RHBDL3: variants seen among roughly 807,000 people sequenced by gnomAD.
The protein encoded by RHBDL3 is rhomboid-related protein 3.
RHBDL3 carries 28 observed loss-of-function variants against 48.2 expected under a neutral mutation model. That is an observed-to-expected ratio of 0.58 (90% CI 0.43 to 0.80). The LOEUF (loss-of-function observed/expected upper bound fraction) is 0.80, where lower values mean the gene tolerates loss of function less well. RHBDL3 is among the 30% of genes least tolerant of loss of function. RHBDL3 has a pLI of 0.00. For synonymous variants in RHBDL3, 208 were observed against 232.3 expected (o/e 0.90, Z 0.95); for missense variants, 464 against 542.7 (o/e 0.85, Z 1.44).
At chr17:32,273,569 C>T (rs918426419) in intron 2 of RHBDL3, among the ~76,000 whole-genome samples, 10 of 152,176 alleles carry the variant, frequency 6.6e-5, no homozygotes, top group East Asian at 3.8e-4. Flanking sequence ...TTTTCTCATC[C>T]GTAAAGTGCC....
intron 7 of RHBDL3, among the ~76,000 whole-genome samples, chr17:32,314,913 C>T (rs1283234447): frequency 5.3e-5 from 8 of 152,226 alleles, no homozygotes; most frequent in East Asian, 3.9e-4. Context: ...TGGAACATGT[C>T]GGCAAGCGAA....
rs563403864 is a variant in RHBDL3 at position 32,288,982 on chromosome 17, C to G, written c.485C>G (p.Pro162Arg). 12 of 1,614,072 alleles carry G rather than the reference C, an allele frequency of 7.4e-6. No homozygotes were observed. The highest frequency in any genetic ancestry group is 1.1e-5 in the South Asian group (1 of 91,084). Residue 162 changes from proline to arginine, a missense_variant, in exon 4 of 9, where the codon CCA becomes CGA. Transcript: ENST00000269051. ...WYYDSYTCCP[P>R]PWFMITVTLL... ...TATGACAGCTACACCTGCTGCCCCC[C>G]ACCCTGGTTCATGATCACAGTCACG...
At chr17:32,315,877 G>A (rs2040960547) in intron 7 of RHBDL3, among the ~76,000 whole-genome samples, 1 of 151,710 alleles carries the variant, frequency 6.6e-6, no homozygotes, top group Non-Finnish European at 1.5e-5. Flanking sequence ...TCATCCTGGT[G>A]GTTCTGTCTT....
At chr17:32,281,014 G>C (rs2040029480) in intron 2 of RHBDL3, 1 of 152,598 alleles carries the variant, frequency 6.6e-6, no homozygotes, top group African/African-American at 2.4e-5. Context: ...CCCTCCCCCT[G>C]CCCCAGCCGT....
At chr17:32,266,359 C>A in intron 1 of RHBDL3, 59 bp downstream of exon 1, 2 of 880,782 alleles carry the variant, frequency 2.3e-6, no homozygotes, top group South Asian at 1.9e-5. Flanking sequence ...GAAAAGCCGC[C>A]CCTGTCTCGC....
At chr17:32,287,805 A>G (rs80171882) in intron 3 of RHBDL3, among the ~76,000 whole-genome samples, 3,406 of 152,294 alleles carry the variant, frequency 0.022, 56 homozygotes, top group South Asian at 0.059. Context: ...TGGGAGAGCC[A>G]TATCTCTAGG....
rs765789149 is a variant in RHBDL3, at chr17:32,316,269, G to A, written c.920G>A (p.Arg307Gln). ...ATGAAGTGCCAGTTCAAGCTGCTGC[G>A]GATGGCTGTGGCCCTTATCTGTAGT... is the stretch of plus-strand genomic sequence containing the variant. ...SGMKCQFKLLRMAVALICMSM... is the reference protein window; with the variant it reads ...SGMKCQFKLLQMAVALICMSM... Residue 307 changes from arginine to glutamine, a missense_variant, in exon 8 of 9, where the codon CGG becomes CAG. Physicochemically the swap from Arg to Gln is conservative, Grantham distance 43 (BLOSUM62 1). Coordinates refer to ENST00000269051, the MANE Select transcript of RHBDL3 (RefSeq NM_138328.3). The A allele has an allele frequency of 5.3e-5, 86 of 1,613,772 alleles. No homozygotes were observed. The highest frequency in any genetic ancestry group is 6.1e-5 in the Non-Finnish European group (72 of 1,179,802).
At chr17:32,310,555 A>T (rs1427070930) in intron 7 of RHBDL3, among the ~76,000 whole-genome samples, 1 of 151,896 alleles carries the variant, frequency 6.6e-6, no homozygotes, top group Admixed American at 6.6e-5. Flanking sequence ...TCAACTAAAA[A>T]TACAAAAATT....
rs926731426 is a variant in RHBDL3 at position 32,323,499 on chromosome 17, C to T, written c.*2270C>T. ...TCCCCTCCAGATTCCTGTCCTGGCC[C>T]CTGGGGATTCTGTGGTGTGGGTGGA... On this transcript the variant is annotated 3_prime_UTR_variant, in exon 9 of 9. Transcript: ENST00000269051. The T allele has an allele frequency of 2.6e-5, 4 of 152,464 alleles. No individual in the cohort carries two copies. The highest frequency in any genetic ancestry group is 9.7e-5 in the African/African-American group (4 of 41,418). The allele number at this position is 152,464 out of a possible 1,614,324, so 9.4% of individuals were successfully genotyped here. A position where few individuals can be genotyped will look rare whatever the true frequency, so the allele number is the denominator to read the frequency against.
intron 4 of RHBDL3, among the ~76,000 whole-genome samples, chr17:32,292,997 G>A (rs2040367713): frequency 6.6e-6 from 1 of 151,956 alleles, no homozygotes; most frequent in Non-Finnish European, 1.5e-5. Context: ...CAAAAAAAAG[G>A]GGGATCATTC....
At chr17:32,266,626 A>C (rs2039637948) in intron 1 of RHBDL3, among the ~76,000 whole-genome samples, 1 of 152,152 alleles carries the variant, frequency 6.6e-6, no homozygotes, top group Non-Finnish European at 1.5e-5. Flanking sequence ...CGGCCGCGTC[A>C]CGGCGGTGAC....
intron 8 of RHBDL3, among the ~76,000 whole-genome samples, chr17:32,320,605 T>C (rs1310502291): frequency 6.6e-6 from 1 of 152,228 alleles, no homozygotes; most frequent in African/African-American, 2.4e-5. Context: ...ATTACAGGTG[T>C]GAGCCGCCGC....
At chr17:32,305,633 C>T (rs1318917674) in intron 7 of RHBDL3, among the ~76,000 whole-genome samples, 192 bp downstream of exon 7, 2 of 152,172 alleles carry the variant, frequency 1.3e-5, no homozygotes, top group African/African-American at 2.4e-5. Context: ...CCTATTTTCT[C>T]CAGTCACGGC....
chr17:32,268,072 C>A (rs566299382), intron 2 of RHBDL3, 147 bp downstream of exon 2: 5 of 730,564 alleles, frequency 6.8e-6, no homozygotes, highest in East Asian at 2.5e-5. Flanking sequence ...TAGGGCTGAA[C>A]GACACTGCTC....
At chr17:32,317,519 G>A (rs572867631) in intron 8 of RHBDL3, among the ~76,000 whole-genome samples, 1 of 152,156 alleles carries the variant, frequency 6.6e-6, no homozygotes. Flanking sequence ...TGTCCACCAA[G>A]TAAACATGGT....
chr17:32,284,818 G>A lies in RHBDL3; in HGVS notation c.294+1G>A. ...CGGCTACCAGGATTTTGTCAGCCTA[G>A]TGAGTGCTCTGGGGCCCTTGGTACT... On this transcript the variant is annotated splice_donor_variant, in intron 3 of 8. Transcript: ENST00000269051. LOFTEE classifies it high-confidence loss of function. The A allele has an allele frequency of 6.2e-7, 1 of 1,613,602 alleles. No individual in the cohort carries two copies. Among genetic ancestry groups the A allele is most frequent in the Non-Finnish European group, 8.5e-7 (1 of 1,179,822 alleles).
intron 4 of RHBDL3, among the ~76,000 whole-genome samples, chr17:32,293,138 A>G (rs1455449401): frequency 1.3e-5 from 2 of 148,712 alleles, no homozygotes; most frequent in Non-Finnish European, 3.0e-5. Context: ...TCATGGAGAT[A>G]GAAAGTAGAA....
chr17:32,298,285 AGGTTTC>A, intron 6 of RHBDL3, 81 bp downstream of exon 6: 3 of 860,686 alleles, frequency 3.5e-6, no homozygotes, highest in Non-Finnish European at 5.7e-6. Flanking sequence ...GGCAAGCCCC[AGGTTTC>A]CAGGACACAC....
intron 5 of RHBDL3, among the ~76,000 whole-genome samples, chr17:32,296,009 G>A (rs909080799): frequency 2.6e-5 from 4 of 151,974 alleles, no homozygotes; most frequent in Non-Finnish European, 4.4e-5. Context: ...GGCGGATCAC[G>A]AGGTCAGGAG....
Sources: allele counts gnomAD v4.1 joint callset (sites outside exome capture counted in the v4.1 genomes callset), GRCh38; gene constraint gnomAD v4.1.1; transcripts MANE v1.5; gene names NCBI Gene and HGNC (gene_info 2026-07-23, HGNC 2026-07-21).